The following SP140L variants were observed in gnomAD, a reference collection of about 807,000 sequenced individuals.
The protein encoded by SP140L is nuclear body protein SP140-like protein.
In SP140L, 64 loss-of-function variants were observed where a neutral mutation model predicts 84.3. That is an observed-to-expected ratio of 0.76 (90% CI 0.62 to 0.94). SP140L has a LOEUF of 0.94. SP140L is among the 40% of genes least tolerant of loss of function. SP140L has a pLI of 0.00. For missense variants in SP140L, 628 were observed against 692.5 expected, an observed-to-expected ratio of 0.91 and a Z score of 1.05; for synonymous variants, 242 against 236.9, an observed-to-expected ratio of 1.02 and a Z score of -0.20.
chr2:230,402,356 C>T (rs1420469810), intron 18 of SP140L, among the ~76,000 whole-genome samples: 1 of 152,158 alleles, frequency 6.6e-6, no homozygotes, highest in Non-Finnish European at 1.5e-5. Context: ...AGTAATAATC[C>T]CAACTGTGGA....
chr2:230,400,465 G>C (rs990112815), intron 15 of SP140L: 2 of 550,634 alleles, frequency 3.6e-6, no homozygotes, highest in Admixed American at 6.2e-5. Context: ...GCTGAGGCCA[G>C]TGTTGGGGAC....
At chr2:230,378,894 G>T (rs1333696796) in intron 7 of SP140L, among the ~76,000 whole-genome samples, 1 of 152,124 alleles carries the variant, frequency 6.6e-6, no homozygotes, top group African/African-American at 2.4e-5. Context: ...CTCACACAAG[G>T]TTGTATATTT....
chr2:230,401,385 T>A lies in SP140L; in HGVS notation c.1442T>A (p.Leu481Ter), dbSNP rs533992377. The change falls in exon 17 of 19, where the codon TTG becomes TAG. Residue 481 changes from leucine to a stop codon, truncating the protein, a stop_gained. Coordinates refer to ENST00000415673, the MANE Select transcript of SP140L (RefSeq NM_138402.6). LOFTEE classifies it high-confidence loss of function. ...TTGCAGAAATGTGAGTTCCTCCTCT[T>A]GAAAGTCTATTGCTGTTCTGAGAGC... ...EEQLKCEFLLLKVYCCSESSF... is the reference protein window; with the variant it reads ...EEQLKCEFLL 190 of 1,585,222 alleles carry A rather than the reference T, an allele frequency of 1.2e-4. No homozygotes were observed. Among genetic ancestry groups the A allele is most frequent in the Middle Eastern group, 1.2e-3 (7 of 5,850 alleles).
chr2:230,366,427 A>G (rs1169979642), intron 5 of SP140L, among the ~76,000 whole-genome samples: 4 of 152,022 alleles, frequency 2.6e-5, no homozygotes, highest in Non-Finnish European at 5.9e-5. Flanking sequence ...ATCTGATATA[A>G]GTATAGCTAC....
At chr2:230,402,766 A>G (rs773233338) in intron 18 of SP140L, 32 bp from the exon 19 acceptor site, 3 of 1,525,092 alleles carry the variant, frequency 2.0e-6, no homozygotes, top group African/African-American at 2.7e-5. Context: ...ATGATAAGGA[A>G]CATCGTTTTT....
intron 2 of SP140L, among the ~76,000 whole-genome samples, chr2:230,343,841 C>T (rs2060133447): frequency 6.6e-6 from 1 of 152,084 alleles, no homozygotes; most frequent in Admixed American, 6.5e-5. Flanking sequence ...TTTTTTATGG[C>T]TGCTTTCTTA....
chr2:230,342,400 T>C (rs150009391), intron 2 of SP140L, among the ~76,000 whole-genome samples: 22,249 of 152,164 alleles, frequency 0.15, 1,802 homozygotes, highest in African/African-American at 0.21. Flanking sequence ...TCTGGCACTC[T>C]CTAGTGAGAT....
intron 5 of SP140L, among the ~76,000 whole-genome samples, chr2:230,370,678 G>GA (rs937282500): frequency 1.6e-4 from 24 of 151,588 alleles, no homozygotes; most frequent in African/African-American, 2.2e-4. Context: ...TTCTGATAAT[G>GA]AAAAAAAGAC....
At chr2:230,360,012 G>A (rs944449820) in intron 4 of SP140L, among the ~76,000 whole-genome samples, 1 of 132,336 alleles carries the variant, frequency 7.6e-6, no homozygotes, top group African/African-American at 2.6e-5. Flanking sequence ...TTTTTCCTGA[G>A]AAGGCATAAT....
chr2:230,344,644 T>A (rs533838438), intron 2 of SP140L, among the ~76,000 whole-genome samples: 2 of 152,230 alleles, frequency 1.3e-5, no homozygotes, highest in Non-Finnish European at 2.9e-5. Context: ...TGTGTTTTTG[T>A]AGTGGCTGGT....
intron 3 of SP140L, 146 bp downstream of exon 3, chr2:230,358,113 A>C: frequency 1.1e-6 from 1 of 930,006 alleles, no homozygotes. Flanking sequence ...ATGGTGTTCC[A>C]TGGCACCCTC....
At position 230,379,476 on chromosome 2, in the gene SP140L, A is replaced by G. The variant is rs185181677; in HGVS notation, c.638-4034A>G. 7.9e-4 allele frequency among the ~76,000 whole-genome samples: 120 copies of G among 152,274 alleles called. 1 individual carries two copies. The Middle Eastern group carries it at 0.01, about 13-fold the overall frequency. ...AATACCCCATCTCTACCATTTGGCTATTATTGTTTAATATTTAATTTTTAA... is the reference window on the plus strand; with the variant it reads ...AATACCCCATCTCTACCATTTGGCTGTTATTGTTTAATATTTAATTTTTAA... On this transcript the variant is annotated intron_variant, in intron 7 of 18. Coordinates refer to ENST00000415673, the MANE Select transcript of SP140L (RefSeq NM_138402.6).
intron 2 of SP140L, among the ~76,000 whole-genome samples, chr2:230,345,345 T>C (rs1177831806): frequency 3.9e-5 from 6 of 152,226 alleles, no homozygotes; most frequent in Non-Finnish European, 1.5e-5. Context: ...ACTTTTTGCA[T>C]TGGATATCTT....
chr2:230,369,359 G>A (rs2149760119), intron 5 of SP140L, among the ~76,000 whole-genome samples: 1 of 152,320 alleles, frequency 6.6e-6, no homozygotes, highest in African/African-American at 2.4e-5. Flanking sequence ...GTAGTAGTCT[G>A]GGTTCACTGA....
Position 230,337,844 on chromosome 2 carries a change from G to A in SP140L, c.107+9013G>A, listed in dbSNP as rs1249993641. ...ATTTCTGAGGGCTCTGTTCTGTTCCGTTGATCTATATCTCCGTTTTGGTAC... is the reference window on the plus strand; with the variant it reads ...ATTTCTGAGGGCTCTGTTCTGTTCCATTGATCTATATCTCCGTTTTGGTAC... On this transcript the variant is annotated intron_variant, in intron 2 of 18. Transcript: ENST00000415673. Among the ~76,000 whole-genome samples the A allele has an allele frequency of 3.0e-4, 45 of 152,046 alleles. 1 individual carries two copies. The highest frequency in any genetic ancestry group is 2.1e-3 in the South Asian group (10 of 4,790).
chr2:230,347,481 T>C (rs1051354328), intron 2 of SP140L, among the ~76,000 whole-genome samples: 4 of 152,036 alleles, frequency 2.6e-5, no homozygotes, highest in African/African-American at 9.7e-5. Context: ...GATGGGATCA[T>C]TCTCTGGAAT....
rs375722851 is a variant in SP140L at position 230,361,718 on chromosome 2, A to T, written c.523+21A>T. The T allele has an allele frequency of 7.6e-5, 116 of 1,531,302 alleles. 1 individual carries two copies. The Middle Eastern group carries it at 4.0e-3, about 53-fold the overall frequency. 94.9% of individuals were successfully genotyped at this position (1,531,302 alleles called of 1,614,324 possible). A position where few individuals can be genotyped will look rare whatever the true frequency, so the allele number is the denominator to read the frequency against. ...ACAAGGTAAAAATGACAGAATAAAA[A>T]CGGTTTCTCATCCGCTAAGAGGAAA... On this transcript the variant is annotated intron_variant, in intron 5 of 18. Coordinates refer to ENST00000415673, the MANE Select transcript of SP140L (RefSeq NM_138402.6).
At chr2:230,337,981 C>CT (rs1468344909) in intron 2 of SP140L, among the ~76,000 whole-genome samples, 1 of 150,180 alleles carries the variant, frequency 6.7e-6, no homozygotes, top group Non-Finnish European at 1.5e-5. Context: ...AATGCGGGCT[C>CT]TTTTTTGGTT....
At chr2:230,388,864 C>T in intron 10 of SP140L, 1 of 375,544 alleles carries the variant, frequency 2.7e-6, no homozygotes. Context: ...CACTAAAGTG[C>T]TACTTCCACT....
Sources: gnomAD v4.1 joint callset for allele counts (sites outside exome capture counted in the v4.1 genomes callset) on GRCh38, gnomAD v4.1.1 for gene constraint, MANE v1.5 for transcripts, NCBI Gene and HGNC (gene_info 2026-07-23, HGNC 2026-07-21) for gene names.